Variants in OSBPL10 observed in about 807,000 individuals in gnomAD.
The protein encoded by OSBPL10 is oxysterol binding protein like 10.
A neutral mutation model predicts 81.7 loss-of-function variants in OSBPL10; 49 were observed. That is an observed-to-expected ratio of 0.60 (90% confidence interval 0.48 to 0.76). The LOEUF (loss-of-function observed/expected upper bound fraction) is 0.76. Ranked by LOEUF, OSBPL10 falls within the 30% of genes least tolerant of loss-of-function variation. OSBPL10 has a pLI of 0.00. For synonymous variants in OSBPL10, 419 were observed against 383.6 expected, an observed-to-expected ratio of 1.09 and a Z score of -1.08; for missense variants, 923 against 987.8, an observed-to-expected ratio of 0.93 and a Z score of 0.88.
chr3:31,813,349 A>G (rs1252757140), intron 4 of OSBPL10, among the ~76,000 whole-genome samples: 1 of 152,222 alleles, frequency 6.6e-6, no homozygotes, highest in Non-Finnish European at 1.5e-5. Context: ...TCATGGCCTG[A>G]GACACAGCCC....
intron 4 of OSBPL10, among the ~76,000 whole-genome samples, chr3:31,822,680 C>T (rs1700006777): frequency 6.6e-6 from 1 of 151,906 alleles, no homozygotes; most frequent in Non-Finnish European, 1.5e-5. Flanking sequence ...GAGGCCAAAG[C>T]AGGAGAATCA....
At chr3:31,708,463 T>C (rs1696140995) in intron 6 of OSBPL10, among the ~76,000 whole-genome samples, 1 of 152,202 alleles carries the variant, frequency 6.6e-6, no homozygotes, top group Non-Finnish European at 1.5e-5. Context: ...CATAGCCACA[T>C]CTGAAGATCC....
At chr3:31,689,187 A>G (rs1465249582) in intron 7 of OSBPL10, among the ~76,000 whole-genome samples, 2 of 152,104 alleles carry the variant, frequency 1.3e-5, no homozygotes, top group Non-Finnish European at 2.9e-5. Flanking sequence ...AGAAAACCTG[A>G]CTTGAACTCT....
chr3:31,742,975 C>T (rs78120076), intron 5 of OSBPL10, among the ~76,000 whole-genome samples: 2,243 of 151,508 alleles, frequency 0.015, 69 homozygotes, highest in African/African-American at 0.052. Flanking sequence ...ATTTAGGAGC[C>T]ACCAGTAATG....
intron 4 of OSBPL10, among the ~76,000 whole-genome samples, chr3:31,814,162 A>G (rs372824647): frequency 3.3e-5 from 5 of 152,326 alleles, no homozygotes; most frequent in African/African-American, 1.2e-4. Context: ...TACTTTCTTC[A>G]GCCACAGAGG....
intron 3 of OSBPL10, among the ~76,000 whole-genome samples, chr3:31,867,594 T>G (rs1041411811): frequency 1.3e-5 from 2 of 152,010 alleles, no homozygotes; most frequent in African/African-American, 4.8e-5. Context: ...ATACAAAACA[T>G]TAGCCAGGCA....
chr3:31,810,985 TAA>T (rs1423479975), intron 4 of OSBPL10, among the ~76,000 whole-genome samples: 1 of 152,168 alleles, frequency 6.6e-6, no homozygotes, highest in Non-Finnish European at 1.5e-5. Context: ...TGTCGAGTGC[TAA>T]GTTTCCAGGT....
At chr3:32,077,305 T>C (rs1054767554) in intron 1 of OSBPL10, 1 of 152,126 alleles carries the variant, frequency 6.6e-6, no homozygotes, top group Admixed American at 6.5e-5. Context: ...AGAGTGCCTG[T>C]GCTAATGTTA....
intron 4 of OSBPL10, among the ~76,000 whole-genome samples, chr3:31,771,770 G>A (rs540535529): frequency 6.6e-5 from 10 of 152,118 alleles, no homozygotes; most frequent in Non-Finnish European, 1.3e-4. Flanking sequence ...AGGTATATAC[G>A]CTCTGGAAAA....
intron 1 of OSBPL10, among the ~76,000 whole-genome samples, chr3:31,943,900 G>T (rs887782152): frequency 6.9e-6 from 1 of 145,886 alleles, no homozygotes; most frequent in South Asian, 2.2e-4. Context: ...CCCAGGAAGC[G>T]GAGGTTCGAG....
At chr3:32,045,993 C>T (rs955129813) in intron 2 of OSBPL10, 2 of 152,252 alleles carry the variant, frequency 1.3e-5, no homozygotes, top group African/African-American at 2.4e-5. Flanking sequence ...AACAAACAAA[C>T]ACCAGAATCT....
At chr3:31,740,509 G>A (rs1697308456) in intron 5 of OSBPL10, among the ~76,000 whole-genome samples, 2 of 151,868 alleles carry the variant, frequency 1.3e-5, no homozygotes, top group African/African-American at 2.4e-5. Context: ...AGAATAGAGG[G>A]GCAGAGGAAG....
At chr3:31,719,047 C>T (rs1020695821) in intron 6 of OSBPL10, 3 of 152,186 alleles carry the variant, frequency 2.0e-5, no homozygotes, top group Non-Finnish European at 4.4e-5. Context: ...CCCATAGCTG[C>T]TGTTCATCCC....
intron 1 of OSBPL10, among the ~76,000 whole-genome samples, chr3:32,056,619 C>G (rs1228316726): frequency 6.6e-6 from 1 of 152,226 alleles, no homozygotes; most frequent in Admixed American, 6.5e-5. Flanking sequence ...CCTGTCTACC[C>G]TGAATACAAG....
intron 4 of OSBPL10, among the ~76,000 whole-genome samples, chr3:31,823,104 T>C (rs1390373656): frequency 6.6e-6 from 1 of 151,886 alleles, no homozygotes. Context: ...CATGGTCACA[T>C]AGTCATCTAG....
intron 2 of OSBPL10, among the ~76,000 whole-genome samples, chr3:32,038,783 T>G (rs1699543477): frequency 6.6e-6 from 1 of 152,216 alleles, no homozygotes; most frequent in Non-Finnish European, 1.5e-5. Flanking sequence ...GTATGTTTAC[T>G]AAAAATCATT....
intron 4 of OSBPL10, among the ~76,000 whole-genome samples, chr3:31,757,086 A>G (rs1044456676): frequency 6.6e-6 from 1 of 152,212 alleles, no homozygotes; most frequent in African/African-American, 2.4e-5. Context: ...GTTTAACCAA[A>G]TAAACATGAG....
At chr3:31,850,716 A>G (rs1243895916) in intron 3 of OSBPL10, among the ~76,000 whole-genome samples, 1 of 152,230 alleles carries the variant, frequency 6.6e-6, no homozygotes, top group Non-Finnish European at 1.5e-5. Context: ...CATCATTATA[A>G]TCACGATATT....
At chr3:32,008,596 A>G (rs1166541963) in intron 2 of OSBPL10, among the ~76,000 whole-genome samples, 1 of 151,868 alleles carries the variant, frequency 6.6e-6, no homozygotes, top group African/African-American at 2.4e-5. Flanking sequence ...AAAAACCCAC[A>G]AAAGCTAGCA....
Sources: gnomAD v4.1 joint callset for allele counts (sites outside exome capture counted in the v4.1 genomes callset) on GRCh38, gnomAD v4.1.1 for gene constraint, MANE v1.5 for transcripts, NCBI Gene and HGNC (gene_info 2026-07-23, HGNC 2026-07-21) for gene names.